The following ARHGAP39 variants were observed in gnomAD, a reference collection of about 807,000 sequenced individuals.
The protein encoded by ARHGAP39 is Rho GTPase activating protein 39.
ARHGAP39 carries 44 observed loss-of-function variants against 106.9 expected under a neutral mutation model. The observed-to-expected ratio is 0.41, with a 90% CI of 0.32 to 0.53. The LOEUF is 0.53. Ranked by LOEUF, ARHGAP39 falls within the 20% of genes least tolerant of loss-of-function variation. ARHGAP39 has a pLI of 0.21. For synonymous variants in ARHGAP39, 768 were observed against 693.2 expected (o/e 1.11, Z -1.69); for missense variants, 1,496 against 1,577.3 (o/e 0.95, Z 0.87).
chr8:144,656,057 C>A (rs188020613), intron 1 of ARHGAP39, among the ~76,000 whole-genome samples: 63 of 152,186 alleles, frequency 4.1e-4, no homozygotes, highest in Non-Finnish European at 7.4e-4. Context: ...TTCTTCCTGA[C>A]AAACATAAGA....
intron 1 of ARHGAP39, among the ~76,000 whole-genome samples, chr8:144,658,268 C>T (rs1012024543): frequency 1.3e-5 from 2 of 151,556 alleles, no homozygotes; most frequent in African/African-American, 4.9e-5. Flanking sequence ...CACCACCACA[C>T]CCGGCTAATT....
rs1220869290 is a variant in ARHGAP39 at position 144,591,571 on chromosome 8, C to A, written c.81-10294G>T. Among the ~76,000 whole-genome samples the A allele has an allele frequency of 6.6e-6, 1 of 152,094 alleles. No homozygotes were observed. Among genetic ancestry groups the A allele is most frequent in the South Asian group, 2.1e-4 (1 of 4,828 alleles). ...AACCTCCTGGCTGGTCCACAGGGAGCAGGATGAAGGCTCCGGGAGGCCAGT... is the reference window on the plus strand; with the variant it reads ...AACCTCCTGGCTGGTCCACAGGGAGAAGGATGAAGGCTCCGGGAGGCCAGT... On this transcript the variant is annotated intron_variant, in intron 2 of 11. Transcript: ENST00000377307. The surrounding 1 kb of genome is among the most constrained non-coding windows in gnomAD (Gnocchi z 5.3).
intron 1 of ARHGAP39, among the ~76,000 whole-genome samples, chr8:144,639,198 A>G (rs2130986261): frequency 6.6e-6 from 1 of 151,890 alleles, no homozygotes; most frequent in South Asian, 2.1e-4. Flanking sequence ...ATGGTGGTAC[A>G]TGCCTGAGTC....
chr8:144,559,778 T>C (rs1326439176), intron 3 of ARHGAP39, among the ~76,000 whole-genome samples: 1 of 152,234 alleles, frequency 6.6e-6, no homozygotes, highest in Non-Finnish European at 1.5e-5. Context: ...AGGACCCAAG[T>C]CTAAATACAA....
At chr8:144,686,666 C>T (rs1219215959), upstream of ARHGAP39, among the ~76,000 whole-genome samples, 1 of 152,200 alleles carries the variant, frequency 6.6e-6, no homozygotes, top group East Asian at 1.9e-4. Flanking sequence ...GGAGATCTCC[C>T]GTCGGGCTGT....
In ARHGAP39 at chr8:144,630,413, G is replaced by A. The variant is rs116586048; in HGVS notation, c.-81-24718C>T. On this transcript the variant is annotated intron_variant, in intron 1 of 11. Transcript: ENST00000377307. ...TGCTTCCTGGTTCTCCAGCCCTACG[G>A]TGGCTAAGAAGCGCCCCAGCCCTGG... Among the ~76,000 whole-genome samples, 562 of 152,286 alleles carry A rather than the reference G, an allele frequency of 3.7e-3. 3 individuals are homozygous for A. Among genetic ancestry groups the A allele is most frequent in the African/African-American group, 0.013 (540 of 41,548 alleles).
At position 144,567,425 on chromosome 8, in the gene ARHGAP39, C is replaced by T. The variant is rs543770412; in HGVS notation, c.513-11782G>A. Reference sequence around the variant, plus strand: ...GGAAGACACCCGTTGCCAAGCGGACCGTGGTCTAGCAGTAGCGTCAGTATC... The same window carrying T: ...GGAAGACACCCGTTGCCAAGCGGACTGTGGTCTAGCAGTAGCGTCAGTATC... On this transcript the variant is annotated intron_variant, in intron 3 of 11. Coordinates refer to ENST00000377307, the MANE Select transcript of ARHGAP39 (RefSeq NM_025251.3). Among the ~76,000 whole-genome samples the T allele has an allele frequency of 1.4e-4, 21 of 152,314 alleles. No individual in the cohort carries two copies. The South Asian group carries it at 3.9e-3, about 29-fold the overall frequency.
chr8:144,592,183 C>T (rs561690842), intron 2 of ARHGAP39, among the ~76,000 whole-genome samples: 59 of 152,278 alleles, frequency 3.9e-4, no homozygotes, highest in African/African-American at 1.3e-3. Flanking sequence ...CACTCCTGCG[C>T]GCGTGTGGGC....
rs546603992 is a variant in ARHGAP39 at position 144,575,574 on chromosome 8, T to C, written c.512+5272A>G. On this transcript the variant is annotated intron_variant, in intron 3 of 11. Transcript: ENST00000377307. ...GTCTTCCCATTGCCACATGGTGTCC[T>C]GGGAGAAAGCAACACACGTGGAGCC... Among the ~76,000 whole-genome samples the C allele has an allele frequency of 3.9e-5, 6 of 152,126 alleles. No individual in the cohort carries two copies. The South Asian group carries it at 8.3e-4, about 21-fold the overall frequency.
chr8:144,541,325 C>T (rs6985958), intron 6 of ARHGAP39, among the ~76,000 whole-genome samples: 19 of 152,212 alleles, frequency 1.2e-4, no homozygotes, highest in Non-Finnish European at 2.2e-4. Flanking sequence ...GCTCCACCTT[C>T]TAAAACAGCT....
At chr8:144,606,146 T>C (rs2130947294) in intron 1 of ARHGAP39, among the ~76,000 whole-genome samples, 1 of 152,308 alleles carries the variant, frequency 6.6e-6, no homozygotes, top group Admixed American at 6.5e-5. Context: ...CGGCAGTCAC[T>C]GGGGAAGGAC....
intron 3 of ARHGAP39, among the ~76,000 whole-genome samples, chr8:144,565,955 G>A (rs992622056): frequency 6.6e-5 from 10 of 150,386 alleles, no homozygotes; most frequent in Admixed American, 2.6e-4. Flanking sequence ...GGCTGGGTAC[G>A]GAAGTCAGCA....
At chr8:144,673,580 T>C (rs1187158203) in intron 1 of ARHGAP39, among the ~76,000 whole-genome samples, 1 of 152,260 alleles carries the variant, frequency 6.6e-6, no homozygotes, top group Non-Finnish European at 1.5e-5. Flanking sequence ...CTACTTTCTA[T>C]CTCTACAGAT....
In ARHGAP39 at chr8:144,659,732, A is replaced by G. The variant is rs1202248452; in HGVS notation, c.-82+25954T>C. 2.0e-5 allele frequency among the ~76,000 whole-genome samples: 3 copies of G among 152,140 alleles called. No homozygotes were observed. The South Asian group carries it at 6.2e-4, about 32-fold the overall frequency. The stretch of plus-strand genomic sequence containing the variant: ...CCACCCCTTCACAGCTCACTGACAC[A>G]TGCTCTCTGCAGAGCTAAGCTAACA... On this transcript the variant is annotated intron_variant, in intron 1 of 11. Coordinates refer to ENST00000377307, the MANE Select transcript of ARHGAP39 (RefSeq NM_025251.3).
At chr8:144,639,215 A>C (rs1236099721) in intron 1 of ARHGAP39, among the ~76,000 whole-genome samples, 4 of 151,732 alleles carry the variant, frequency 2.6e-5, no homozygotes, top group African/African-American at 9.7e-5. Context: ...AGTCCCCGCT[A>C]CTTGGGAGGC....
the ARHGAP39 span, among the ~76,000 whole-genome samples, chr8:144,691,521 C>G: frequency 6.6e-6 from 1 of 152,000 alleles, no homozygotes; most frequent in East Asian, 1.9e-4. Context: ...GCAGGCACAC[C>G]CAGCACAGTC....
At chr8:144,629,176 T>C (rs899552724) in intron 1 of ARHGAP39, among the ~76,000 whole-genome samples, 2 of 152,226 alleles carry the variant, frequency 1.3e-5, no homozygotes, top group Non-Finnish European at 2.9e-5. Context: ...TGAGGCCACA[T>C]TGCTCTTCTC....
At chr8:144,663,547 A>G (rs1045635873) in intron 1 of ARHGAP39, among the ~76,000 whole-genome samples, 2 of 152,056 alleles carry the variant, frequency 1.3e-5, no homozygotes, top group African/African-American at 4.8e-5. Context: ...TCAACACAAG[A>G]CCTGGCGGGA....
intron 1 of ARHGAP39, among the ~76,000 whole-genome samples, chr8:144,621,504 G>T (rs1056305332): frequency 2.0e-5 from 3 of 152,204 alleles, no homozygotes; most frequent in Non-Finnish European, 4.4e-5. Flanking sequence ...AGGGCTGGGG[G>T]GCAGGGCCTG....
Sources: gnomAD v4.1 joint callset for allele counts (sites outside exome capture counted in the v4.1 genomes callset) on GRCh38, gnomAD v4.1.1 for gene constraint, Gnocchi (gnomAD v3.1) non-coding constraint, MANE v1.5 for transcripts, NCBI Gene and HGNC (gene_info 2026-07-23, HGNC 2026-07-21) for gene names.